Variants in CTCF observed in about 807,000 individuals in gnomAD.
The protein encoded by CTCF is transcriptional repressor CTCF.
CTCF carries 7 observed loss-of-function variants against 72.3 expected under a neutral mutation model. The observed-to-expected ratio is 0.10, with a 90% CI of 0.06 to 0.18. The LOEUF is 0.18. Ranked by LOEUF, CTCF falls within the 10% of genes least tolerant of loss-of-function variation. CTCF has a pLI of 1.00. For missense variants in CTCF, 516 were observed against 949.1 expected, an observed-to-expected ratio of 0.54 and a Z score of 6.00; for synonymous variants, 374 against 315.8, an observed-to-expected ratio of 1.18 and a Z score of -1.95.
intron 2 of CTCF, among the ~76,000 whole-genome samples, chr16:67,576,858 G>A (rs900577517): frequency 5.9e-5 from 9 of 152,010 alleles, no homozygotes; most frequent in Non-Finnish European, 1.2e-4. Flanking sequence ...TAGCCATTAT[G>A]TATAAAAAAT....
chr16:67,564,002 C>T (rs562898390), intron 1 of CTCF: 4 of 152,278 alleles, frequency 2.6e-5, no homozygotes, highest in East Asian at 1.9e-4. Context: ...AATATCTACG[C>T]CTAATGTAAC....
chr16:67,612,852 G>A (rs924388506), intron 4 of CTCF, among the ~76,000 whole-genome samples: 3 of 152,074 alleles, frequency 2.0e-5, no homozygotes, highest in East Asian at 1.9e-4. Context: ...CAGGAGAATC[G>A]CTTGAAACCT....
chr16:67,621,684 C>T, intron 7 of CTCF, 93 bp downstream of exon 7: 1 of 929,886 alleles, frequency 1.1e-6, no homozygotes, highest in Non-Finnish European at 1.6e-6. Flanking sequence ...CCTTCTGACT[C>T]TCATAACATT....
intron 1 of CTCF, among the ~76,000 whole-genome samples, chr16:67,569,772 G>A (rs577324602): frequency 3.3e-5 from 5 of 151,146 alleles, no homozygotes; most frequent in Admixed American, 6.6e-5. Context: ...TCCAACCTCC[G>A]GCTCCTGGGT....
chr16:67,574,607 G>T (rs563456101), intron 2 of CTCF, among the ~76,000 whole-genome samples: 4 of 149,278 alleles, frequency 2.7e-5, no homozygotes, highest in African/African-American at 9.9e-5. Flanking sequence ...CTCCCAAAGT[G>T]CTGGGATTAC....
In CTCF at chr16:67,637,867, C is replaced by T. The variant is rs1192224462; in HGVS notation, c.2179C>T (p.Arg727Trp). ...TPEMILSMMD[R>W] ...CGAGATGATCCTCAGCATGATGGAC[C>T]GGTGATGGCGGAGCCTTGTGCGTCG... The change falls in exon 12 of 12, where the codon CGG becomes TGG. Residue 727 changes from arginine to tryptophan, a missense_variant. Arg to Trp is a moderately radical substitution (Grantham distance 101, BLOSUM62 -3). Around this residue, in one of 7 missense-constraint regions of CTCF, gnomAD observed 5 missense variants for 24.5 expected, o/e 0.20. Coordinates refer to ENST00000264010, the MANE Select transcript of CTCF (RefSeq NM_006565.4). 6.2e-7 allele frequency: 1 copy of T among 1,607,914 alleles called. No homozygotes were observed.
At chr16:67,596,692 T>C (rs573070088) in intron 2 of CTCF, among the ~76,000 whole-genome samples, 6 of 151,984 alleles carry the variant, frequency 3.9e-5, no homozygotes, top group African/African-American at 1.2e-4. Context: ...TCAAGCAATT[T>C]CCCTGGCTTA....
intron 2 of CTCF, among the ~76,000 whole-genome samples, chr16:67,580,159 A>C (rs1162963458): frequency 6.6e-6 from 1 of 152,208 alleles, no homozygotes; most frequent in African/African-American, 2.4e-5. Context: ...GTCCTGACTT[A>C]AGGTGGGATA....
rs540322449 is a variant in CTCF, at chr16:67,623,905, G to A, written c.1357+2314G>A. ...TCTACTAAAAATACAAAAATTAGCC[G>A]GGTGTGGTGGCACATGCCTGTAGTC... On this transcript the variant is annotated intron_variant, in intron 7 of 11. Transcript: ENST00000264010. 5.3e-5 allele frequency among the ~76,000 whole-genome samples: 8 copies of A among 152,030 alleles called. No individual in the cohort carries two copies. In the East Asian group the frequency reaches 1.4e-3, roughly 26 times the overall value.
rs1430502550 is a variant in CTCF, at chr16:67,637,824, C to T, written c.2136C>T (p.Pro712=). The T allele has an allele frequency of 6.2e-7, 1 of 1,612,706 alleles. No individual in the cohort carries two copies. ...EEAQPAATDA[P]NGDLTPEMIL... is the part of the protein sequence containing the mutation. ...CCCAGCCAGCTGCCACAGATGCCCC[C>T]AACGGAGACCTCACGCCCGAGATGA... The change falls in exon 12 of 12, where the codon CCC becomes CCT. Residue 712 remains proline, a synonymous_variant. Coordinates refer to ENST00000264010, the MANE Select transcript of CTCF (RefSeq NM_006565.4).
chr16:67,598,278 G>C (rs1383068774), intron 2 of CTCF, among the ~76,000 whole-genome samples: 2 of 152,290 alleles, frequency 1.3e-5, no homozygotes, highest in East Asian at 3.9e-4. Context: ...CACCTGGCCA[G>C]TGGAAGAGTT....
intron 2 of CTCF, among the ~76,000 whole-genome samples, chr16:67,590,317 A>G (rs1597694937): frequency 3.9e-5 from 6 of 152,014 alleles, no homozygotes; most frequent in Admixed American, 3.9e-4. Context: ...GCTTTCTTCA[A>G]GTAGCTGTTA....
intron 10 of CTCF, among the ~76,000 whole-genome samples, chr16:67,632,549 C>T (rs2142877491): frequency 6.6e-6 from 1 of 152,316 alleles, no homozygotes; most frequent in East Asian, 1.9e-4. Context: ...CGGCTGTCTA[C>T]AGAGATTGAC....
intron 1 of CTCF, among the ~76,000 whole-genome samples, chr16:67,567,517 G>A (rs952535484): frequency 4.1e-4 from 62 of 152,238 alleles, no homozygotes; most frequent in African/African-American, 1.4e-3. Context: ...GTGGAGTTTA[G>A]CTAATTGTGA....
chr16:67,629,745 C>CTTTTTTTTTTTTTTTTTTTTTTTTT (rs1567616725), intron 10 of CTCF, among the ~76,000 whole-genome samples: 1 of 85,064 alleles, frequency 1.2e-5, no homozygotes, highest in East Asian at 3.6e-4. Flanking sequence ...TCATTAATGC[C>CTTTTTTTTTTTTTTTTTTTTTTTTT]CTTTTTTTTT....
At chr16:67,580,750 A>C (rs1294831291) in intron 2 of CTCF, among the ~76,000 whole-genome samples, 1 of 141,402 alleles carries the variant, frequency 7.1e-6, no homozygotes, top group Admixed American at 7.1e-5. Context: ...TAGTAGAGGC[A>C]CCTGCCCCAA....
chr16:67,608,903 G>A (rs1240064928), intron 2 of CTCF, among the ~76,000 whole-genome samples: 1 of 151,796 alleles, frequency 6.6e-6, no homozygotes, highest in Non-Finnish European at 1.5e-5. Flanking sequence ...CATCACACCT[G>A]GCTAATTTTG....
intron 10 of CTCF, among the ~76,000 whole-genome samples, chr16:67,634,709 A>AT (rs1262115780): frequency 1.8e-5 from 2 of 112,954 alleles, no homozygotes; most frequent in African/African-American, 3.3e-5. Flanking sequence ...TTTTTTTCTT[A>AT]TTTTTTTTCC....
intron 1 of CTCF, among the ~76,000 whole-genome samples, chr16:67,569,288 C>T (rs979312265): frequency 3.9e-5 from 6 of 152,040 alleles, no homozygotes; most frequent in African/African-American, 9.7e-5. Context: ...TGGGTTCAAA[C>T]GATTCTCCTG....
Sources: allele counts gnomAD v4.1 joint callset (sites outside exome capture counted in the v4.1 genomes callset), GRCh38; gene constraint gnomAD v4.1.1; regional missense constraint gnomAD v4.1.1; transcripts MANE v1.5; gene names NCBI Gene and HGNC (gene_info 2026-07-23, HGNC 2026-07-21).